FANCA: variants seen among roughly 807,000 people sequenced by gnomAD.
FANCA encodes the protein FA complementation group A, also known as Fanconi anemia group A protein.
A neutral mutation model predicts 194.3 loss-of-function variants in FANCA; 236 were observed. That is an observed-to-expected ratio of 1.21 (90% CI 1.09 to 1.35). The LOEUF (loss-of-function observed/expected upper bound fraction) is 1.35. Ranked by LOEUF, FANCA falls within the 40% of genes most tolerant of loss-of-function variation. The pLI is 0.00. For synonymous variants in FANCA, 1,014 were observed against 715.8 expected (o/e 1.42, Z -6.65); for missense variants, 2,628 against 1,813.9 (o/e 1.45, Z -8.15).
At position 89,792,749 on chromosome 16, in the gene FANCA, G is replaced by A. The variant is rs537612686; in HGVS notation, c.1007-202C>T. 32 of 526,626 alleles carry A rather than the reference G, an allele frequency of 6.1e-5. No homozygotes were observed. The Admixed American group carries it at 6.7e-4, about 11-fold the overall frequency. The allele number at this position is 526,626 out of a possible 1,614,324, so 32.6% of individuals were successfully genotyped here. The stretch of plus-strand genomic sequence containing the variant: ...CACTACCATCAATGCGCGGAGACCG[G>A]TAGTGGCCCTGAATGTCTGGTTGTG... On this transcript the variant is annotated intron_variant, in intron 11 of 42. Coordinates refer to ENST00000389301, the MANE Select transcript of FANCA (RefSeq NM_000135.4).
At chr16:89,751,880 C>T (rs1254163331) in intron 31 of FANCA, among the ~76,000 whole-genome samples, 1 of 151,940 alleles carries the variant, frequency 6.6e-6, no homozygotes, top group Non-Finnish European at 1.5e-5. Flanking sequence ...ATGCCATTCT[C>T]CTGCCTCAGC....
At chr16:89,805,257 C>G in intron 7 of FANCA, 23 bp downstream of exon 7, 1 of 1,581,374 alleles carries the variant, frequency 6.3e-7, no homozygotes. Flanking sequence ...TACCCAAGAA[C>G]CCGCATCTTG....
intron 8 of FANCA, among the ~76,000 whole-genome samples, chr16:89,802,115 G>T (rs1374038765): frequency 6.6e-6 from 1 of 152,060 alleles, no homozygotes; most frequent in African/African-American, 2.4e-5. Flanking sequence ...ACGGAATACT[G>T]GTCAGCTTTA....
intron 37 of FANCA, 41 bp from the exon 38 acceptor site, chr16:89,740,907 C>G (rs1230061329): frequency 6.5e-7 from 1 of 1,530,746 alleles, no homozygotes. Context: ...ATTAAAATTA[C>G]CTGTGCTGTC....
chr16:89,770,483 G>A (rs1567618740), intron 24 of FANCA, 81 bp downstream of exon 24: 1 of 1,334,544 alleles, frequency 7.5e-7, no homozygotes. Context: ...GAGCTCATGA[G>A]TCCCTGGTCT....
At chr16:89,805,041 C>G (rs560244505) in intron 7 of FANCA, among the ~76,000 whole-genome samples, 69 of 152,128 alleles carry the variant, frequency 4.5e-4, no homozygotes, top group African/African-American at 1.6e-3. Context: ...TGCGGTCACT[C>G]TATGGGAAAG....
chr16:89,771,742 C>A lies in FANCA; in HGVS notation c.2087G>T (p.Ser696Ile), dbSNP rs2039333785. Residue 696 changes from serine (S) to isoleucine (I), a missense_variant, in exon 23 of 43, where the codon AGC becomes ATC. Physicochemically the swap from Ser to Ile is moderately radical, Grantham distance 142. Coordinates refer to ENST00000389301, the MANE Select transcript of FANCA (RefSeq NM_000135.4). ...AVLGHNEDDS[S>I]VEISKIQLSI... ...GAGCTGAATCTTTGATATCTCAACGCTGCTGTCATCCTCATTGTGGCCCAG... is the reference window on the plus strand; with the variant it reads ...GAGCTGAATCTTTGATATCTCAACGATGCTGTCATCCTCATTGTGGCCCAG... The A allele has an allele frequency of 1.9e-6, 3 of 1,614,074 alleles. No homozygotes were observed. Among genetic ancestry groups the A allele is most frequent in the African/African-American group, 1.3e-5 (1 of 74,924 alleles).
At chr16:89,809,128 G>C (rs183793022) in intron 5 of FANCA, among the ~76,000 whole-genome samples, 15 of 151,730 alleles carry the variant, frequency 9.9e-5, no homozygotes, top group African/African-American at 3.6e-4. Flanking sequence ...GGATGGGCTC[G>C]ATCTCCTGAC....
chr16:89,797,503 C>A (rs2040289784), intron 10 of FANCA, among the ~76,000 whole-genome samples: 1 of 152,188 alleles, frequency 6.6e-6, no homozygotes, highest in African/African-American at 2.4e-5. Flanking sequence ...TCCTTCCTCA[C>A]AGGGCAGGGC....
At position 89,737,986 on chromosome 16, in the gene FANCA, T is replaced by C; in HGVS notation, c.*615A>G. 6.2e-7 allele frequency: 1 copy of C among 1,614,174 alleles called. No homozygotes were observed. Among genetic ancestry groups the C allele is most frequent in the Non-Finnish European group, 8.5e-7 (1 of 1,180,032 alleles). On this transcript the variant is annotated 3_prime_UTR_variant, in exon 43 of 43. Transcript: ENST00000389301. ...GCCTCTGTCCCCCAGGTGTGAGGTC[T>C]GTGGGTTCCAGTGCAGGCAGCGGGC...
intron 14 of FANCA, among the ~76,000 whole-genome samples, chr16:89,789,228 C>A (rs926525496): frequency 1.3e-5 from 2 of 151,706 alleles, no homozygotes; most frequent in Non-Finnish European, 2.9e-5. Flanking sequence ...GACACTGACA[C>A]TGCACCAGTC....
chr16:89,737,610 A>T lies in FANCA; in HGVS notation c.*991T>A, dbSNP rs2061979908. 2.9e-6 allele frequency: 3 copies of T among 1,039,284 alleles called. No homozygotes were observed. The highest frequency in any genetic ancestry group is 3.0e-5 in the Admixed American group (1 of 33,646). 64.4% of individuals were successfully genotyped at this position (1,039,284 alleles called of 1,614,324 possible). On this transcript the variant is annotated 3_prime_UTR_variant, in exon 43 of 43. Transcript: ENST00000389301. Reference sequence around the variant, plus strand: ...ATCCTGAAATGCACACAGCTGATGAAGCCACGTGACAGTGTATAAAGCAGT... The same window carrying T: ...ATCCTGAAATGCACACAGCTGATGATGCCACGTGACAGTGTATAAAGCAGT...
chr16:89,779,792 C>A, intron 18 of FANCA, 77 bp downstream of exon 18: 2 of 1,217,832 alleles, frequency 1.6e-6, no homozygotes, highest in East Asian at 2.3e-5. Flanking sequence ...AGAGCAGAGT[C>A]TGCACATACT....
chr16:89,739,850 T>C, intron 39 of FANCA, 144 bp downstream of exon 39: 1 of 1,516,270 alleles, frequency 6.6e-7, no homozygotes, highest in Non-Finnish European at 8.8e-7. Context: ...TTAAACAAGT[T>C]TGTGCTTAAT....
chr16:89,758,996 T>C (rs1232918012), intron 29 of FANCA, among the ~76,000 whole-genome samples: 4 of 152,058 alleles, frequency 2.6e-5, no homozygotes, highest in Non-Finnish European at 5.9e-5. Context: ...ACACAGCACA[T>C]GAGCTTGGTG....
intron 17 of FANCA, among the ~76,000 whole-genome samples, chr16:89,782,399 T>C (rs2039749451): frequency 6.6e-6 from 1 of 151,074 alleles, no homozygotes; most frequent in South Asian, 2.1e-4. Flanking sequence ...TAGTCCCAGC[T>C]ACTCTGGAGG....
intron 11 of FANCA, among the ~76,000 whole-genome samples, chr16:89,794,464 C>G (rs991178940): frequency 6.6e-6 from 1 of 152,026 alleles, no homozygotes; most frequent in Admixed American, 6.6e-5. Context: ...TGAACCCAGG[C>G]GGCAGAGGTT....
At chr16:89,762,569 GAAAAA>G (rs59550802) in intron 28 of FANCA, 4 of 173,932 alleles carry the variant, frequency 2.3e-5, no homozygotes, top group Admixed American at 6.5e-5. Context: ...CTATAAAAAG[GAAAAA>G]AAAAAAAAAG....
intron 26 of FANCA, among the ~76,000 whole-genome samples, chr16:89,769,253 C>A (rs1184997116): frequency 6.6e-6 from 1 of 152,240 alleles, no homozygotes; most frequent in Non-Finnish European, 1.5e-5. Flanking sequence ...CAACTCCCAC[C>A]AGAGTCTCCC....
Sources: allele counts gnomAD v4.1 joint callset (sites outside exome capture counted in the v4.1 genomes callset), GRCh38; gene constraint gnomAD v4.1.1; transcripts MANE v1.5; gene names NCBI Gene and HGNC (gene_info 2026-07-23, HGNC 2026-07-21).